The following PCDHGA2 variants were observed in gnomAD, a reference collection of about 807,000 sequenced individuals.
PCDHGA2 encodes the protein protocadherin gamma subfamily A, 2, also known as protocadherin gamma-A2.
PCDHGA2 carries 40 observed loss-of-function variants against 59.2 expected under a neutral mutation model. That is an observed-to-expected ratio of 0.68 (90% confidence interval 0.52 to 0.88). The LOEUF (loss-of-function observed/expected upper bound fraction) is 0.88, where lower values mean the gene tolerates loss of function less well. Ranked by LOEUF, PCDHGA2 falls within the 40% of genes least tolerant of loss-of-function variation. The probability of loss-of-function intolerance (pLI) is 0.00; values close to 1 mark genes in which losing one functional copy is unlikely to be tolerated. For missense variants in PCDHGA2, 1,226 were observed against 1,204.0 expected (o/e 1.02, Z -0.27); for synonymous variants, 560 against 526.0 (o/e 1.06, Z -0.89).
At chr5:141,454,483 C>T (rs1434684795) in intron 1 of PCDHGA2, among the ~76,000 whole-genome samples, 9 of 151,684 alleles carry the variant, frequency 5.9e-5, no homozygotes, top group African/African-American at 9.7e-5. Flanking sequence ...CTCAGCTCAC[C>T]GCAACCTCCA....
chr5:141,390,965 A>G (rs2092279401), intron 1 of PCDHGA2: 1 of 152,252 alleles, frequency 6.6e-6, no homozygotes, highest in Admixed American at 6.5e-5. Context: ...TACTTGTAAC[A>G]TAGGAGTTTC....
intron 2 of PCDHGA2, among the ~76,000 whole-genome samples, chr5:141,496,207 T>C (rs973745475): frequency 6.6e-6 from 1 of 152,134 alleles, no homozygotes; most frequent in Non-Finnish European, 1.5e-5. Flanking sequence ...CAATCTGGTA[T>C]GAATTCCTGC....
chr5:141,380,680 C>A (rs952566953), intron 1 of PCDHGA2, among the ~76,000 whole-genome samples: 2 of 152,184 alleles, frequency 1.3e-5, no homozygotes, highest in Middle Eastern at 3.2e-3. Context: ...GGTATGTATG[C>A]TTTGTGTTCG....
chr5:141,445,341 A>G (rs1165606147), intron 1 of PCDHGA2, among the ~76,000 whole-genome samples: 2 of 152,218 alleles, frequency 1.3e-5, no homozygotes, highest in African/African-American at 4.8e-5. Context: ...AACAGTAAAC[A>G]TTGGTGTCTG....
intron 1 of PCDHGA2, among the ~76,000 whole-genome samples, chr5:141,359,386 C>G (rs1405984010): frequency 6.6e-6 from 1 of 151,886 alleles, no homozygotes; most frequent in Non-Finnish European, 1.5e-5. Flanking sequence ...TAATTTATAA[C>G]CTAAAATCAA....
At chr5:141,430,078 T>A (rs911861599) in intron 1 of PCDHGA2, among the ~76,000 whole-genome samples, 2 of 152,282 alleles carry the variant, frequency 1.3e-5, no homozygotes, top group Admixed American at 1.3e-4. Context: ...TTCCATAATA[T>A]CATGAAAATT....
At chr5:141,360,269 C>T (rs889254322) in intron 1 of PCDHGA2, 2 of 1,613,932 alleles carry the variant, frequency 1.2e-6, no homozygotes, top group East Asian at 2.2e-5. Context: ...GCCAAAAACT[C>T]GGTCGTAGGA....
At chr5:141,365,103 G>T (rs1178900186) in intron 1 of PCDHGA2, 3 of 1,613,722 alleles carry the variant, frequency 1.9e-6, no homozygotes, top group Non-Finnish European at 1.7e-6. Flanking sequence ...ATACCTGTGG[G>T]CACTCGGCTG....
At chr5:141,496,050 G>A (rs1232836015) in intron 2 of PCDHGA2, among the ~76,000 whole-genome samples, 2 of 149,892 alleles carry the variant, frequency 1.3e-5, no homozygotes, top group Non-Finnish European at 3.0e-5. Flanking sequence ...ATTTTTTTGT[G>A]CTTGTGGGCA....
At chr5:141,341,607 A>T in intron 1 of PCDHGA2, 2 of 964,978 alleles carry the variant, frequency 2.1e-6, no homozygotes. Context: ...ATGAATGTAA[A>T]CCAGGAGTTA....
rs1284287216 is a variant in PCDHGA2 at position 141,398,423 on chromosome 5, A to C, written c.2424+57028A>C. On this transcript the variant is annotated intron_variant, in intron 1 of 3. Transcript: ENST00000394576. ...GACAGGGAGGAGATATGCGGGAAGA[A>C]GCCAGCTTGTGCTCTGGAATTTGAG... 2.0e-6 allele frequency: 3 copies of C among 1,514,696 alleles called. No individual in the cohort carries two copies. In the South Asian group the frequency reaches 3.4e-5, roughly 17 times the overall value. The allele number at this position is 1,514,696 out of a possible 1,614,324, so 93.8% of individuals were successfully genotyped here.
chr5:141,381,965 G>A (rs571350764), intron 1 of PCDHGA2, among the ~76,000 whole-genome samples: 2 of 151,078 alleles, frequency 1.3e-5, no homozygotes, highest in Admixed American at 1.3e-4. Context: ...GAGTAGCTGG[G>A]ATTACAGGCG....
At chr5:141,344,120 T>C (rs746958849) in intron 1 of PCDHGA2, 2 of 1,614,012 alleles carry the variant, frequency 1.2e-6, no homozygotes, top group Non-Finnish European at 1.7e-6. Context: ...CAGGATCCGG[T>C]CAGATCCGCT....
chr5:141,428,106 C>T, intron 1 of PCDHGA2: 1 of 1,608,152 alleles, frequency 6.2e-7, no homozygotes. Context: ...CCACGTGCTG[C>T]AGGCCATCGA....
intron 1 of PCDHGA2, chr5:141,412,510 T>G (rs1007512416): frequency 6.6e-6 from 1 of 152,204 alleles, no homozygotes; most frequent in Non-Finnish European, 1.5e-5. Flanking sequence ...ATAAGTTTAA[T>G]GAATTAAGTA....
At chr5:141,366,535 G>T (rs1463456881) in intron 1 of PCDHGA2, 2 of 1,614,262 alleles carry the variant, frequency 1.2e-6, no homozygotes. Context: ...TGGCGGGTGT[G>T]CCCGCCTCGC....
At position 141,365,522 on chromosome 5, in the gene PCDHGA2, G is replaced by C. The variant is rs771198048; in HGVS notation, c.2424+24127G>C. 5 of 1,613,888 alleles carry C rather than the reference G, an allele frequency of 3.1e-6. No homozygotes were observed. In the South Asian group the frequency reaches 5.5e-5, roughly 18 times the overall value. ...TTTGCCTTTTAAATTGGAGAAGTCAGTTGATAATTACTATCACCTATTAAC... is the reference window on the plus strand; with the variant it reads ...TTTGCCTTTTAAATTGGAGAAGTCACTTGATAATTACTATCACCTATTAAC... On this transcript the variant is annotated intron_variant, in intron 1 of 3. Transcript: ENST00000394576.
intron 1 of PCDHGA2, chr5:141,414,324 T>G (rs2095735584): frequency 6.2e-7 from 1 of 1,613,758 alleles, no homozygotes; most frequent in South Asian, 1.1e-5. Context: ...CTGAGCAGAA[T>G]GGACAGGTAA....
rs749097286 is a variant in PCDHGA2, at chr5:141,340,927, C to T, written c.1956C>T (p.Pro652=). ...LVVAIQDHGQ[P]PLSATVTLTV... is the part of the protein sequence containing the mutation. ...TGGCCATCCAGGACCACGGCCAGCC[C>T]CCTCTCTCCGCCACTGTCACGCTCA... Residue 652 remains proline, a synonymous_variant, in exon 1 of 4, where the codon CCC becomes CCT. Coordinates refer to ENST00000394576, the MANE Select transcript of PCDHGA2 (RefSeq NM_018915.4). 5.0e-6 allele frequency: 8 copies of T among 1,613,810 alleles called. No individual in the cohort carries two copies. In the Admixed American group the frequency reaches 6.7e-5, roughly 13 times the overall value.
Sources: gnomAD v4.1 joint callset for allele counts (sites outside exome capture counted in the v4.1 genomes callset) on GRCh38, gnomAD v4.1.1 for gene constraint, MANE v1.5 for transcripts, NCBI Gene and HGNC (gene_info 2026-07-23, HGNC 2026-07-21) for gene names.